The following WWTR1 variants were observed in gnomAD, a reference collection of about 807,000 sequenced individuals.
WWTR1 encodes WW domain-containing transcription regulator protein 1.
A neutral mutation model predicts 40.1 loss-of-function variants in WWTR1; 13 were observed. That is an observed-to-expected ratio of 0.32 (90% CI 0.21 to 0.52). WWTR1 has a LOEUF of 0.52. WWTR1 is among the 20% of genes least tolerant of loss of function. The pLI is 0.97. For synonymous variants in WWTR1, 230 were observed against 210.1 expected (o/e 1.09, Z -0.82); for missense variants, 436 against 523.1 (o/e 0.83, Z 1.63).
At chr3:149,546,883 A>G (rs768091989) in intron 3 of WWTR1, among the ~76,000 whole-genome samples, 4 of 152,162 alleles carry the variant, frequency 2.6e-5, no homozygotes, top group Non-Finnish European at 4.4e-5. Flanking sequence ...AGAGAAAGTG[A>G]ATTTTATCAA....
rs1217598530 is a variant in WWTR1, at chr3:149,622,450, AAAGGAAGGAAGG to A, written c.431+34414_431+34425del. On this transcript the variant is annotated intron_variant, in intron 2 of 6. Coordinates refer to ENST00000360632, the MANE Select transcript of WWTR1 (RefSeq NM_015472.6). ...AAACCATATTTTCCCAGAAAGAAAGAAAGGAAGGAAGGAAGGAAGGAAGGAAGGAAGGAAGGA... is the reference window on the plus strand; with the variant it reads ...AAACCATATTTTCCCAGAAAGAAAGAAAGGAAGGAAGGAAGGAAGGAAGGA... Among the ~76,000 whole-genome samples, 40 of 98,602 alleles carry A rather than the reference AAAGGAAGGAAGG, an allele frequency of 4.1e-4. 1 individual carries two copies. Among genetic ancestry groups the A allele is most frequent in the African/African-American group, 1.2e-3 (31 of 26,180 alleles). The allele number at this position is 98,602 out of a possible 152,430, so 64.7% of individuals were successfully genotyped here.
intron 2 of WWTR1, among the ~76,000 whole-genome samples, chr3:149,642,415 TCACACA>T (rs146950880): frequency 1.4e-5 from 2 of 146,102 alleles, no homozygotes; most frequent in Non-Finnish European, 3.0e-5. Context: ...CAAAACTCTG[TCACACA>T]CACACACACA....
chr3:149,707,182 G>C (rs1406398441), upstream of WWTR1, among the ~76,000 whole-genome samples: 1 of 152,196 alleles, frequency 6.6e-6, no homozygotes, highest in Non-Finnish European at 1.5e-5. Flanking sequence ...AGCCAATGTA[G>C]AGGATAAAAA....
chr3:149,674,860 T>C (rs1008072643), intron 1 of WWTR1, among the ~76,000 whole-genome samples: 7 of 152,210 alleles, frequency 4.6e-5, no homozygotes, highest in South Asian at 2.1e-4. Context: ...TTATATTCTA[T>C]GGTTTAAACA....
intron 1 of WWTR1, among the ~76,000 whole-genome samples, chr3:149,678,127 T>G (rs1424483819): frequency 6.6e-6 from 1 of 152,200 alleles, no homozygotes; most frequent in East Asian, 1.9e-4. Flanking sequence ...TTGGCAAATG[T>G]AATGGTGCAT....
At chr3:149,529,423 A>C (rs1735470213) in intron 4 of WWTR1, among the ~76,000 whole-genome samples, 1 of 152,194 alleles carries the variant, frequency 6.6e-6, no homozygotes, top group African/African-American at 2.4e-5. Context: ...TTAAAAAAAA[A>C]CTGTATTGTT....
intron 1 of WWTR1, chr3:149,702,473 A>ATTATTATTATTT (rs1209000980): frequency 1.3e-5 from 2 of 150,002 alleles, no homozygotes; most frequent in African/African-American, 2.4e-5. Flanking sequence ...CCTTATTATT[A>ATTATTATTATTT]TTATTATTAT....
intron 5 of WWTR1, among the ~76,000 whole-genome samples, chr3:149,712,260 G>A (rs1715493358): frequency 6.6e-6 from 1 of 152,128 alleles, no homozygotes; most frequent in Non-Finnish European, 1.5e-5. Flanking sequence ...AATAGCCACT[G>A]TACTCCAGCC....
intron 3 of WWTR1, among the ~76,000 whole-genome samples, chr3:149,560,820 C>T (rs763518501): frequency 5.9e-5 from 9 of 151,992 alleles, no homozygotes; most frequent in East Asian, 1.9e-4. Flanking sequence ...TAACTTCCAA[C>T]GAAACTTCCA....
intron 2 of WWTR1, among the ~76,000 whole-genome samples, chr3:149,585,545 C>T (rs1738381634): frequency 1.5e-5 from 2 of 135,950 alleles, no homozygotes; most frequent in Admixed American, 1.6e-4. Flanking sequence ...GTTCCCCCAC[C>T]AGCACCCCAC....
intron 6 of WWTR1, 28 bp from the exon 7 acceptor site, chr3:149,521,017 T>G: frequency 6.5e-7 from 1 of 1,547,616 alleles, no homozygotes; most frequent in Middle Eastern, 1.7e-4. Context: ...GAAACCATTT[T>G]AATTCCTTCT....
At chr3:149,616,432 C>T (rs1040148858) in intron 2 of WWTR1, among the ~76,000 whole-genome samples, 2 of 151,462 alleles carry the variant, frequency 1.3e-5, no homozygotes, top group African/African-American at 2.4e-5. Flanking sequence ...TGGCTGTCCT[C>T]TCTCTCTCTC....
intron 2 of WWTR1, among the ~76,000 whole-genome samples, chr3:149,641,529 C>A (rs368837968): frequency 6.6e-6 from 1 of 152,152 alleles, no homozygotes; most frequent in Non-Finnish European, 1.5e-5. Flanking sequence ...TAACTAGGGC[C>A]GGCCAATTGT....
At chr3:149,622,502 G>GAAGAA (rs1740343986) in intron 2 of WWTR1, among the ~76,000 whole-genome samples, 1 of 46,298 alleles carries the variant, frequency 2.2e-5, no homozygotes, top group African/African-American at 8.0e-5. Context: ...AGGAAGGAAG[G>GAAGAA]AAGAAAGAAA....
intron 4 of WWTR1, among the ~76,000 whole-genome samples, chr3:149,538,253 C>T (rs953504581): frequency 6.6e-6 from 1 of 152,008 alleles, no homozygotes; most frequent in African/African-American, 2.4e-5. Flanking sequence ...TAAAAAAACT[C>T]AACAAATCAA....
At chr3:149,713,215 A>C (rs1307633808) in intron 5 of WWTR1, among the ~76,000 whole-genome samples, 1 of 152,234 alleles carries the variant, frequency 6.6e-6, no homozygotes, top group African/African-American at 2.4e-5. Flanking sequence ...TCATTTAAAA[A>C]TATAATTAAG....
chr3:149,595,162 A>G (rs1159523955), intron 2 of WWTR1, among the ~76,000 whole-genome samples: 1 of 151,686 alleles, frequency 6.6e-6, no homozygotes, highest in East Asian at 1.9e-4. Flanking sequence ...GGGTTTCACC[A>G]TGCTGCCCAG....
At chr3:149,625,159 T>C (rs1740488581) in intron 2 of WWTR1, among the ~76,000 whole-genome samples, 1 of 148,582 alleles carries the variant, frequency 6.7e-6, no homozygotes, top group Non-Finnish European at 1.5e-5. Flanking sequence ...TCTCGCTCTG[T>C]TGCCCAGGCT....
At chr3:149,706,270 T>C (rs1198057367), upstream of WWTR1, among the ~76,000 whole-genome samples, 2 of 152,224 alleles carry the variant, frequency 1.3e-5, no homozygotes, top group Non-Finnish European at 2.9e-5. Context: ...GCACATTCTA[T>C]AATGTTCACA....
Sources: allele counts gnomAD v4.1 joint callset (sites outside exome capture counted in the v4.1 genomes callset), GRCh38; gene constraint gnomAD v4.1.1; transcripts MANE v1.5; gene names NCBI Gene and HGNC (gene_info 2026-07-23, HGNC 2026-07-21).